The following SFMBT1 variants were observed in gnomAD, a reference collection of about 807,000 sequenced individuals.
SFMBT1 encodes scm-like with four MBT domains protein 1.
Under a neutral mutation model 108.7 loss-of-function variants are expected in SFMBT1, and 32 were observed. The ratio of observed to expected loss-of-function variants is 0.29; its 90% CI spans 0.22 to 0.40. The LOEUF (loss-of-function observed/expected upper bound fraction) is 0.40, where lower values mean the gene tolerates loss of function less well. Among genes scored for constraint, SFMBT1 ranks in the 10% least tolerant of loss-of-function variants. The pLI is 1.00. For synonymous variants in SFMBT1, 348 were observed against 369.5 expected (o/e 0.94, Z 0.67); for missense variants, 816 against 1,059.6 (o/e 0.77, Z 3.19).
chr3:52,946,529 A>G (rs1381156813), intron 3 of SFMBT1, among the ~76,000 whole-genome samples: 1 of 152,196 alleles, frequency 6.6e-6, no homozygotes, highest in Non-Finnish European at 1.5e-5. Context: ...ACTTCTTTTC[A>G]CTACTGTGTA....
At chr3:52,928,518 T>C (rs1252692780) in intron 8 of SFMBT1, 177 bp from the exon 9 acceptor site, 1 of 567,858 alleles carries the variant, frequency 1.8e-6, no homozygotes, top group Non-Finnish European at 2.9e-6. Flanking sequence ...ATTAAATGCT[T>C]TTCATGTATC....
chr3:52,961,879 T>TA, intron 2 of SFMBT1, among the ~76,000 whole-genome samples: 1 of 152,092 alleles, frequency 6.6e-6, no homozygotes, highest in South Asian at 2.1e-4. Flanking sequence ...AATTTAAAAA[T>TA]AAAAAATAAG....
rs1702202152 is a variant in SFMBT1 at position 52,911,038 on chromosome 3, G to A, written c.1871C>T (p.Ser624Phe). 1 of 1,614,032 alleles carries A rather than the reference G, an allele frequency of 6.2e-7. No homozygotes were observed. Among genetic ancestry groups the A allele is most frequent in the Non-Finnish European group, 8.5e-7 (1 of 1,180,026 alleles). The change falls in exon 17 of 21, where the codon TCT (serine) becomes TTT (phenylalanine). Residue 624 changes from serine (S) to phenylalanine (F), a missense_variant. By Grantham distance (155) the Ser-to-Phe change is radical. Transcript: ENST00000394752. ...FGPRMVLDKCSENCSVLTKTK... is the reference protein window; with the variant it reads ...FGPRMVLDKCFENCSVLTKTK... The stretch of plus-strand genomic sequence containing the variant: ...CTTTGTAAGTACAGAACAGTTCTCA[G>A]AACACTTATCCAGAACCATCCGTGG...
rs192837665 is a variant in SFMBT1 at position 52,952,190 on chromosome 3, C to A, written c.123+2127G>T. Among the ~76,000 whole-genome samples the A allele has an allele frequency of 1.6e-3, 236 of 152,134 alleles. 1 individual carries two copies. The highest frequency in any genetic ancestry group is 5.4e-3 in the African/African-American group (225 of 41,522). ...TGGCTAACACGGTGAAACCCCATCT[C>A]TACTAAAAATACAAAAAATTGGCCG... On this transcript the variant is annotated intron_variant, in intron 3 of 20. Transcript: ENST00000394752.
rs1202080758 is a variant in SFMBT1, at chr3:53,005,836, AATTGT to A, written c.-130-36583_-130-36579del. Among the ~76,000 whole-genome samples the A allele has an allele frequency of 6.6e-5, 10 of 152,324 alleles. No homozygotes were observed. In the East Asian group the frequency reaches 1.7e-3, roughly 26 times the overall value. On this transcript the variant is annotated intron_variant, in intron 1 of 20. Coordinates refer to ENST00000394752, the MANE Select transcript of SFMBT1 (RefSeq NM_016329.4). ...TCAGCTGCACAGAAACACCTCAGCC[AATTGT>A]AAGACAGAGAGAGGGTGGACATGCA...
At chr3:52,981,097 G>A (rs1311360492) in intron 1 of SFMBT1, among the ~76,000 whole-genome samples, 1 of 150,752 alleles carries the variant, frequency 6.6e-6, no homozygotes, top group Non-Finnish European at 1.5e-5. Context: ...GGGAGGCAGA[G>A]ATTGCAGTGA....
intron 8 of SFMBT1, 23 bp downstream of exon 8, chr3:52,930,306 C>T: frequency 7.1e-7 from 1 of 1,413,280 alleles, no homozygotes; most frequent in South Asian, 1.2e-5. Flanking sequence ...GGATTCTTAC[C>T]AAGAGAGTTA....
rs1418752244 is a variant in SFMBT1, at chr3:52,904,801, G to T, written c.*335C>A. The T allele has an allele frequency of 1.5e-5, 3 of 204,436 alleles. No homozygotes were observed. Among genetic ancestry groups the T allele is most frequent in the Non-Finnish European group, 2.0e-5 (2 of 102,304 alleles). 12.7% of individuals were successfully genotyped at this position (204,436 alleles called of 1,614,324 possible). A position where few individuals can be genotyped will look rare whatever the true frequency, so the allele number is the denominator to read the frequency against. On this transcript the variant is annotated 3_prime_UTR_variant, in exon 21 of 21. Coordinates refer to ENST00000394752, the MANE Select transcript of SFMBT1 (RefSeq NM_016329.4). ...GGAACAGAATGAAAACAACCAAAAG[G>T]GTGCTTTCCAGCAGCCTAGGTTATT...
chr3:52,913,782 A>C (rs1257534905), intron 14 of SFMBT1, among the ~76,000 whole-genome samples, 165 bp from the exon 15 acceptor site: 1 of 152,188 alleles, frequency 6.6e-6, no homozygotes, highest in Non-Finnish European at 1.5e-5. Context: ...AATGCTCTTA[A>C]GTAACTTACA....
At chr3:52,934,039 G>A (rs1357930012) in intron 5 of SFMBT1, among the ~76,000 whole-genome samples, 1 of 151,952 alleles carries the variant, frequency 6.6e-6, no homozygotes, top group Admixed American at 6.6e-5. Context: ...ATTTAAAAAT[G>A]GGCAAAGAAA....
intron 4 of SFMBT1, among the ~76,000 whole-genome samples, chr3:52,940,168 A>G (rs13074524): frequency 0.092 from 14,016 of 152,272 alleles, 664 homozygotes; most frequent in African/African-American, 0.1. Flanking sequence ...AGGTGGCTTC[A>G]TGTCTCTAGA....
chr3:53,022,788 G>A (rs1265370556), intron 1 of SFMBT1, among the ~76,000 whole-genome samples: 1 of 152,190 alleles, frequency 6.6e-6, no homozygotes, highest in Non-Finnish European at 1.5e-5. Context: ...ATTATTTAAT[G>A]TGTATGGAGT....
At chr3:52,912,468 G>A in intron 16 of SFMBT1, 70 bp downstream of exon 16, 1 of 1,361,142 alleles carries the variant, frequency 7.3e-7, no homozygotes, top group Non-Finnish European at 1.0e-6. Flanking sequence ...GTGAGCCACT[G>A]TGCCACGCCG....
chr3:52,930,475 T>A (rs1179843919), intron 7 of SFMBT1, 45 bp from the exon 8 acceptor site: 5 of 1,049,652 alleles, frequency 4.8e-6, no homozygotes, highest in Non-Finnish European at 7.5e-6. Flanking sequence ...AGTATCTGTA[T>A]CAATCTTACA....
At chr3:52,996,722 T>A (rs1028974707) in intron 1 of SFMBT1, among the ~76,000 whole-genome samples, 4 of 150,056 alleles carry the variant, frequency 2.7e-5, no homozygotes, top group African/African-American at 9.7e-5. Flanking sequence ...ACAATGCTGG[T>A]GCAAATGTAA....
chr3:53,023,625 C>T (rs542279377), intron 1 of SFMBT1, among the ~76,000 whole-genome samples: 20 of 152,320 alleles, frequency 1.3e-4, no homozygotes, highest in African/African-American at 4.6e-4. Context: ...TTCCAAACCC[C>T]CCGTCAGCTG....
chr3:52,969,523 T>C (rs774928996), intron 1 of SFMBT1, among the ~76,000 whole-genome samples: 4 of 152,220 alleles, frequency 2.6e-5, no homozygotes, highest in Non-Finnish European at 5.9e-5. Flanking sequence ...CAAAGTAAGA[T>C]GCATATGAAT....
chr3:52,916,281 T>A (rs930023985), intron 13 of SFMBT1, 67 bp from the exon 14 acceptor site: 4 of 1,436,644 alleles, frequency 2.8e-6, no homozygotes, highest in Non-Finnish European at 3.9e-6. Context: ...GAGGCTTAGT[T>A]TCCTTCAAAT....
chr3:52,916,354 T>C (rs1702355588), intron 13 of SFMBT1, 140 bp from the exon 14 acceptor site: 8 of 498,268 alleles, frequency 1.6e-5, no homozygotes, highest in South Asian at 1.3e-4. Flanking sequence ...CCCTTGATGA[T>C]ACTTTTTTTT....
Sources: gnomAD v4.1 joint callset for allele counts (sites outside exome capture counted in the v4.1 genomes callset) on GRCh38, gnomAD v4.1.1 for gene constraint, MANE v1.5 for transcripts, NCBI Gene and HGNC (gene_info 2026-07-23, HGNC 2026-07-21) for gene names.